CNTN4: variants seen among roughly 807,000 people sequenced by gnomAD.
The protein encoded by CNTN4 is contactin 4, also known as contactin-4.
In CNTN4, 77 loss-of-function variants were observed where a neutral mutation model predicts 122.5. The ratio of observed to expected loss-of-function variants is 0.63; its 90% CI spans 0.52 to 0.76. CNTN4 has a LOEUF of 0.76. Ranked by LOEUF, CNTN4 falls within the 30% of genes least tolerant of loss-of-function variation. The probability of loss-of-function intolerance (pLI) is 0.00; values close to 1 mark genes in which losing one functional copy is unlikely to be tolerated. For missense variants in CNTN4, 1,256 were observed against 1,259.1 expected (o/e 1.00, Z 0.04); for synonymous variants, 512 against 447.0 (o/e 1.15, Z -1.83).
intron 4 of CNTN4, among the ~76,000 whole-genome samples, chr3:2,729,334 G>A (rs1404286858): frequency 1.6e-4 from 25 of 151,746 alleles, no homozygotes; most frequent in African/African-American, 5.8e-4. Flanking sequence ...GGAGGCCAAG[G>A]CGGGCGGATC....
At chr3:3,020,803 C>G (rs933136047) in intron 14 of CNTN4, among the ~76,000 whole-genome samples, 3 of 152,214 alleles carry the variant, frequency 2.0e-5, no homozygotes, top group African/African-American at 7.2e-5. Flanking sequence ...GTTGTCATGT[C>G]TCTCCTAATT....
At chr3:2,888,811 A>G (rs2094006358) in intron 10 of CNTN4, among the ~76,000 whole-genome samples, 1 of 152,148 alleles carries the variant, frequency 6.6e-6, no homozygotes, top group South Asian at 2.1e-4. Context: ...TTCTTCTTTC[A>G]TAAATATCCA....
intron 2 of CNTN4, among the ~76,000 whole-genome samples, chr3:2,132,980 A>T (rs1358689429): frequency 6.6e-6 from 1 of 152,180 alleles, no homozygotes; most frequent in African/African-American, 2.4e-5. Flanking sequence ...TGGTTCTTGG[A>T]TGGTTTTACA....
At chr3:2,795,795 C>T (rs1270931844) in intron 6 of CNTN4, among the ~76,000 whole-genome samples, 3 of 152,074 alleles carry the variant, frequency 2.0e-5, no homozygotes, top group Admixed American at 6.5e-5. Flanking sequence ...GCTGGGATTA[C>T]AGACGTGAGC....
chr3:2,541,091 A>G (rs1011660702), intron 3 of CNTN4, among the ~76,000 whole-genome samples: 4 of 152,176 alleles, frequency 2.6e-5, no homozygotes, highest in Non-Finnish European at 5.9e-5. Flanking sequence ...TTCTTCAGCT[A>G]TCTTCTGGGT....
chr3:2,625,538 T>C (rs1365532953), intron 4 of CNTN4, among the ~76,000 whole-genome samples: 5 of 152,186 alleles, frequency 3.3e-5, no homozygotes, highest in Non-Finnish European at 7.3e-5. Flanking sequence ...TCCACTACTT[T>C]TATGGTTTTG....
At chr3:2,350,996 T>C (rs1413034634) in intron 3 of CNTN4, among the ~76,000 whole-genome samples, 2 of 152,210 alleles carry the variant, frequency 1.3e-5, no homozygotes, top group Non-Finnish European at 2.9e-5. Context: ...GCCCAAAATA[T>C]ATACCTTAAT....
At chr3:2,325,120 C>G (rs1419657144) in intron 2 of CNTN4, among the ~76,000 whole-genome samples, 1 of 152,154 alleles carries the variant, frequency 6.6e-6, no homozygotes, top group African/African-American at 2.4e-5. Flanking sequence ...GCCTTTGTCA[C>G]TCTCAGTCTC....
chr3:2,708,729 A>G (rs544058808), intron 4 of CNTN4, among the ~76,000 whole-genome samples: 2 of 4,648 alleles, frequency 4.3e-4, no homozygotes, highest in Non-Finnish European at 1.0e-3. Flanking sequence ...CGCGCGCATC[A>G]CACACACACA....
chr3:3,031,140 A>G (rs1256431713), intron 16 of CNTN4, among the ~76,000 whole-genome samples, 165 bp downstream of exon 16: 2 of 152,236 alleles, frequency 1.3e-5, no homozygotes, highest in African/African-American at 4.8e-5. Flanking sequence ...TGGTTCATAT[A>G]CAGTTCCTCA....
At chr3:2,439,643 T>C (rs1164313702) in intron 3 of CNTN4, among the ~76,000 whole-genome samples, 1 of 152,038 alleles carries the variant, frequency 6.6e-6, no homozygotes, top group Non-Finnish European at 1.5e-5. Context: ...TGTGCGCGCG[T>C]GCTTGTGTGT....
chr3:3,003,722 AC>A (rs1696307675), intron 14 of CNTN4, among the ~76,000 whole-genome samples: 45 of 149,070 alleles, frequency 3.0e-4, no homozygotes, highest in South Asian at 1.1e-3. Flanking sequence ...AAACAAAAAA[AC>A]CCCACTGAAT....
intron 2 of CNTN4, among the ~76,000 whole-genome samples, chr3:2,297,056 G>A (rs1014283568): frequency 5.3e-5 from 8 of 152,086 alleles, no homozygotes; most frequent in African/African-American, 1.9e-4. Context: ...GGATGAACTG[G>A]GGTATTCTGA....
chr3:2,733,309 TTGC>T (rs1576604388), intron 4 of CNTN4, among the ~76,000 whole-genome samples: 1 of 152,200 alleles, frequency 6.6e-6, no homozygotes, highest in South Asian at 2.1e-4. Flanking sequence ...ACCAAACTTG[TTGC>T]TTTATTAGTG....
At chr3:2,879,780 T>C (rs1011029424) in intron 8 of CNTN4, among the ~76,000 whole-genome samples, 1 of 152,218 alleles carries the variant, frequency 6.6e-6, no homozygotes, top group Non-Finnish European at 1.5e-5. Context: ...GATAGTTGCA[T>C]GACTCAGCAA....
intron 13 of CNTN4, among the ~76,000 whole-genome samples, chr3:2,955,772 C>T (rs1238784249): frequency 6.6e-6 from 1 of 152,082 alleles, no homozygotes; most frequent in Non-Finnish European, 1.5e-5. Context: ...GGACGCTGGA[C>T]ACAACTGTTT....
chr3:2,601,217 T>C (rs2081030105), intron 4 of CNTN4, among the ~76,000 whole-genome samples: 1 of 152,208 alleles, frequency 6.6e-6, no homozygotes, highest in Admixed American at 6.5e-5. Context: ...TAGATCCCAT[T>C]TGTCTATTTT....
intron 3 of CNTN4, among the ~76,000 whole-genome samples, chr3:2,421,169 T>C (rs113371137): frequency 1.4e-4 from 21 of 152,142 alleles, no homozygotes; most frequent in Middle Eastern, 3.4e-3. Flanking sequence ...ATGACCACCA[T>C]TGCATAACAA....
At chr3:2,798,425 C>G (rs1360994252) in intron 6 of CNTN4, among the ~76,000 whole-genome samples, 1 of 145,702 alleles carries the variant, frequency 6.9e-6, no homozygotes, top group African/African-American at 2.5e-5. Flanking sequence ...TTTTCTTTAT[C>G]CAATCATCTG....
Sources: allele counts gnomAD v4.1 joint callset (sites outside exome capture counted in the v4.1 genomes callset), GRCh38; gene constraint gnomAD v4.1.1; transcripts MANE v1.5; gene names NCBI Gene and HGNC (gene_info 2026-07-23, HGNC 2026-07-21).